Variants in DLGAP4 observed in about 807,000 individuals in gnomAD.
DLGAP4 encodes disks large-associated protein 4.
A neutral mutation model predicts 86.9 loss-of-function variants in DLGAP4; 18 were observed. The ratio of observed to expected loss-of-function variants is 0.21; its 90% CI spans 0.14 to 0.31. The LOEUF (loss-of-function observed/expected upper bound fraction) is 0.31. Among genes scored for constraint, DLGAP4 ranks in the 10% least tolerant of loss-of-function variants. DLGAP4 has a pLI of 1.00. For synonymous variants in DLGAP4, 548 were observed against 574.3 expected (o/e 0.95, Z 0.65); for missense variants, 1,085 against 1,362.6 (o/e 0.80, Z 3.21).
intron 7 of DLGAP4, among the ~76,000 whole-genome samples, chr20:36,486,561 GT>G (rs1232213122): frequency 6.6e-6 from 1 of 152,146 alleles, no homozygotes; most frequent in Non-Finnish European, 1.5e-5. Context: ...GGGTGGGCCA[GT>G]TCCTATTGTA....
chr20:36,315,046 T>TGTGTG (rs2065085012), intron 1 of DLGAP4, among the ~76,000 whole-genome samples: 2 of 4,380 alleles, frequency 4.6e-4, no homozygotes, highest in South Asian at 7.2e-3. Flanking sequence ...GTGTGGTGTG[T>TGTGTG]TGCGCCCCCC....
At chr20:36,307,398 CCCCTCCATCCCTTCAT>C (rs2065014507) in intron 1 of DLGAP4, among the ~76,000 whole-genome samples, 1 of 152,156 alleles carries the variant, frequency 6.6e-6, no homozygotes, top group South Asian at 2.1e-4. Flanking sequence ...CGCTCCGATC[CCCCTCCATCCCTTCAT>C]CCCTCCATCC....
At chr20:36,307,570 G>A (rs1484875585) in intron 1 of DLGAP4, among the ~76,000 whole-genome samples, 1 of 152,230 alleles carries the variant, frequency 6.6e-6, no homozygotes, top group African/African-American at 2.4e-5. Context: ...GCCGGGAGCG[G>A]TGGGTAGAGG....
intron 2 of DLGAP4, among the ~76,000 whole-genome samples, chr20:36,388,689 T>G (rs2425240): frequency 0.64 from 97,014 of 152,020 alleles, 31,171 homozygotes; most frequent in South Asian, 0.82. Context: ...TTTGTTAAAT[T>G]GGGGTAATAG....
chr20:36,442,663 C>T, intron 5 of DLGAP4, 64 bp from the exon 6 acceptor site: 1 of 1,585,566 alleles, frequency 6.3e-7, no homozygotes, highest in Non-Finnish European at 8.7e-7. Flanking sequence ...GCAATTGACC[C>T]TGAATCCCCC....
At chr20:36,464,557 G>A (rs2034252722) in intron 7 of DLGAP4, among the ~76,000 whole-genome samples, 1 of 151,826 alleles carries the variant, frequency 6.6e-6, no homozygotes, top group African/African-American at 2.4e-5. Flanking sequence ...GTAACAAAAT[G>A]AGACCCTGTC....
chr20:36,499,986 C>CGTGT (rs143440407), intron 9 of DLGAP4, among the ~76,000 whole-genome samples: 3 of 151,894 alleles, frequency 2.0e-5, no homozygotes, highest in African/African-American at 4.8e-5. Context: ...ACCTTGTCCT[C>CGTGT]GTGTGTGTGT....
At chr20:36,375,738 T>C (rs1237940469) in intron 2 of DLGAP4, among the ~76,000 whole-genome samples, 1 of 152,146 alleles carries the variant, frequency 6.6e-6, no homozygotes, top group Admixed American at 6.5e-5. Context: ...AGATCTCACC[T>C]GCCTCCTGTT....
At chr20:36,498,575 G>C (rs1160750627) in intron 8 of DLGAP4, 1 of 152,556 alleles carries the variant, frequency 6.6e-6, no homozygotes, top group Non-Finnish European at 1.5e-5. Context: ...TCTCATTGCA[G>C]CTCCTTGGAG....
intron 1 of DLGAP4, among the ~76,000 whole-genome samples, chr20:36,361,238 T>A (rs2030509463): frequency 6.6e-6 from 1 of 152,116 alleles, no homozygotes; most frequent in Non-Finnish European, 1.5e-5. Context: ...AGTGCTATTT[T>A]AAAAAAACTA....
intron 7 of DLGAP4, among the ~76,000 whole-genome samples, 175 bp downstream of exon 7, chr20:36,447,112 G>A (rs574901491): frequency 2.7e-4 from 41 of 152,300 alleles, no homozygotes; most frequent in African/African-American, 9.1e-4. Flanking sequence ...CCAGCCAATT[G>A]GCCACTGGAG....
intron 1 of DLGAP4, among the ~76,000 whole-genome samples, chr20:36,336,129 C>T (rs903990638): frequency 1.3e-5 from 2 of 152,192 alleles, no homozygotes; most frequent in Admixed American, 6.5e-5. Flanking sequence ...GGGGCACCTC[C>T]ACCACGAACT....
chr20:36,513,949 A>G (rs779241773), intron 10 of DLGAP4, among the ~76,000 whole-genome samples: 13 of 152,190 alleles, frequency 8.5e-5, no homozygotes, highest in Non-Finnish European at 1.8e-4. Context: ...AGTTGGATAT[A>G]TGAGTCTGGG....
At position 36,496,836 on chromosome 20, in the gene DLGAP4, G is replaced by T; in HGVS notation, c.1780G>T (p.Asp594Tyr). ...CCAGGACACCTACCTGGACAGCCAG[G>T]ACCACAAGAGCGAGGTGACTAGCCA... ...SAQDTYLDSQ[D>Y]HKSEVTSQSG... Residue 594 changes from aspartate (D) to tyrosine (Y), a missense_variant, in exon 8 of 13, where the codon GAC becomes TAC. By Grantham distance (160) the Asp-to-Tyr change is radical (BLOSUM62 -3). Transcript: ENST00000339266. 6.2e-7 allele frequency: 1 copy of T among 1,614,198 alleles called. No individual in the cohort carries two copies. Among genetic ancestry groups the T allele is most frequent in the Non-Finnish European group, 8.5e-7 (1 of 1,180,034 alleles).
intron 7 of DLGAP4, among the ~76,000 whole-genome samples, chr20:36,485,456 C>A (rs1770525432): frequency 6.6e-6 from 1 of 151,956 alleles, no homozygotes; most frequent in Admixed American, 6.5e-5. Context: ...AGGTTTCCAA[C>A]ATGGCAGCTG....
In DLGAP4 at chr20:36,500,187, C is replaced by T. The variant is rs752852136; in HGVS notation, c.2100-12C>T. 6.6e-7 allele frequency: 1 copy of T among 1,522,736 alleles called. No homozygotes were observed. Among genetic ancestry groups the T allele is most frequent in the South Asian group, 1.3e-5 (1 of 76,384 alleles). The allele number at this position is 1,522,736 out of a possible 1,614,324, so 94.3% of individuals were successfully genotyped here. A position where few individuals can be genotyped will look rare whatever the true frequency, so the allele number is the denominator to read the frequency against. ...CCTTCCTGTCCCCACCCCATCCACC[C>T]CCTACCCACAGAAGCAGCGTCCCCT... On this transcript the variant is annotated splice_polypyrimidine_tract_variant and intron_variant, in intron 9 of 12. Coordinates refer to ENST00000339266, the MANE Select transcript of DLGAP4 (RefSeq NM_001365621.2). This position sits in a 1 kb window ranked among gnomAD's most constrained non-coding sequence, Gnocchi z 4.6.
At chr20:36,461,625 G>T (rs1218164902) in intron 7 of DLGAP4, 1 of 936,118 alleles carries the variant, frequency 1.1e-6, no homozygotes, top group East Asian at 1.2e-4. Context: ...GCGCCGCCCG[G>T]AGCAGCCGCG....
chr20:36,308,493 G>C lies in DLGAP4; in HGVS notation c.-304+1981G>C, dbSNP rs28479958. On this transcript the variant is annotated intron_variant, in intron 1 of 12. Transcript: ENST00000339266. The surrounding 1 kb of genome is among the most constrained non-coding windows in gnomAD (Gnocchi z 4.5). ...CAGGTCTGAGGGCTGTGCCCCGGGC[G>C]TGAAGCTGCCTGGCAGCTGAGTTGG... Among the ~76,000 whole-genome samples the C allele has an allele frequency of 6.6e-6, 1 of 152,230 alleles. No individual in the cohort carries two copies. The highest frequency in any genetic ancestry group is 1.5e-5 in the Non-Finnish European group (1 of 68,038).
intron 2 of DLGAP4, among the ~76,000 whole-genome samples, chr20:36,423,953 C>T (rs113412631): frequency 0.016 from 2,442 of 151,844 alleles, 56 homozygotes; most frequent in African/African-American, 0.055. Flanking sequence ...GAATGAGACT[C>T]GGTCTAAAAA....
Sources: gnomAD v4.1 joint callset for allele counts (sites outside exome capture counted in the v4.1 genomes callset) on GRCh38, gnomAD v4.1.1 for gene constraint, Gnocchi (gnomAD v3.1) non-coding constraint, MANE v1.5 for transcripts, NCBI Gene and HGNC (gene_info 2026-07-23, HGNC 2026-07-21) for gene names.